ASPHD2: variants seen among roughly 807,000 people sequenced by gnomAD.
ASPHD2 encodes the protein aspartate beta-hydroxylase domain-containing protein 2.
In ASPHD2, 12 loss-of-function variants were observed where a neutral mutation model predicts 34.6. The ratio of observed to expected loss-of-function variants is 0.35; its 90% confidence interval spans 0.22 to 0.56. The LOEUF (loss-of-function observed/expected upper bound fraction) is 0.56. ASPHD2 is among the 20% of genes least tolerant of loss of function. ASPHD2 has a pLI of 0.87. For synonymous variants in ASPHD2, 224 were observed against 212.2 expected (o/e 1.06, Z -0.48); for missense variants, 375 against 505.0 (o/e 0.74, Z 2.47).
At chr22:26,440,292 C>CTTATTTT (rs1568984625) in intron 2 of ASPHD2, among the ~76,000 whole-genome samples, 3 of 152,108 alleles carry the variant, frequency 2.0e-5, no homozygotes, top group African/African-American at 7.2e-5. Flanking sequence ...AAGCATACGG[C>CTTATTTT]TTATTTTTTA....
chr22:26,435,434 T>G (rs2084784731), intron 2 of ASPHD2, among the ~76,000 whole-genome samples: 1 of 152,110 alleles, frequency 6.6e-6, no homozygotes, highest in South Asian at 2.1e-4. Context: ...CAGATTAGAG[T>G]GTGCAGAGAC....
At chr22:26,441,733 G>T (rs1375993684) in intron 2 of ASPHD2, among the ~76,000 whole-genome samples, 1 of 152,124 alleles carries the variant, frequency 6.6e-6, no homozygotes, top group Non-Finnish European at 1.5e-5. Flanking sequence ...GACCCGCCTG[G>T]CCAAGATGGT....
chr22:26,442,669 C>G, intron 3 of ASPHD2, 97 bp downstream of exon 3: 1 of 906,888 alleles, frequency 1.1e-6, no homozygotes, highest in Non-Finnish European at 1.7e-6. Context: ...GCAGAAAGTA[C>G]CAAGGAGGCC....
At chr22:26,438,514 T>TACATATATAC (rs1407889262) in intron 2 of ASPHD2, among the ~76,000 whole-genome samples, 43 of 127,318 alleles carry the variant, frequency 3.4e-4, no homozygotes, top group Non-Finnish European at 6.3e-4. Flanking sequence ...TATATATACA[T>TACATATATAC]ACATATATAT....
At position 26,433,440 on chromosome 22, in the gene ASPHD2, T is replaced by C. The variant is rs2084769053; in HGVS notation, c.-176T>C. 3 of 584,030 alleles carry C rather than the reference T, an allele frequency of 5.1e-6. No homozygotes were observed. The highest frequency in any genetic ancestry group is 9.0e-6 in the Non-Finnish European group (3 of 332,988). 36.2% of individuals were successfully genotyped at this position (584,030 alleles called of 1,614,324 possible). On this transcript the variant is annotated 5_prime_UTR_variant, in exon 2 of 4. Transcript: ENST00000215906. This position sits in a 1 kb window ranked among gnomAD's most constrained non-coding sequence, Gnocchi z 5.1. ...TTTCACAGGGACCGACGGCACTTGA[T>C]AATGTGACAAAAACCAGCCTCTTCC...
intron 3 of ASPHD2, 44 bp downstream of exon 3, chr22:26,442,616 C>T (rs750016830): frequency 6.9e-7 from 1 of 1,452,438 alleles, no homozygotes; most frequent in African/African-American, 1.4e-5. Context: ...AATGAATAGA[C>T]TTTTATTTTT....
Position 26,433,908 on chromosome 22 carries a change from C to A in ASPHD2, c.293C>A (p.Ala98Asp). ...SVNSLMQAAD[A>D]NGLQNGYVYC... ...AACTCCCTCATGCAGGCTGCCGATGCCAACGGGCTGCAGAATGGCTACGTG... is the reference window on the plus strand; with the variant it reads ...AACTCCCTCATGCAGGCTGCCGATGACAACGGGCTGCAGAATGGCTACGTG... Residue 98 changes from alanine (A) to aspartate (D), a missense_variant, in exon 2 of 4, where the codon GCC becomes GAC. Ala to Asp is a moderately radical substitution (Grantham distance 126). This residue lies in a region of ASPHD2 where 223 missense variants were observed against 257.8 expected (regional missense o/e 0.87). Coordinates refer to ENST00000215906, the MANE Select transcript of ASPHD2 (RefSeq NM_020437.5). This position sits in a 1 kb window ranked among gnomAD's most constrained non-coding sequence, Gnocchi z 5.1. 1.2e-6 allele frequency: 2 copies of A among 1,613,662 alleles called. No individual in the cohort carries two copies. The highest frequency in any genetic ancestry group is 1.7e-6 in the Non-Finnish European group (2 of 1,180,042).
At chr22:26,442,103 T>A (rs1320178011) in intron 2 of ASPHD2, among the ~76,000 whole-genome samples, 1,087 of 98,652 alleles carry the variant, frequency 0.011, 13 homozygotes, top group African/African-American at 0.042. Flanking sequence ...GAGACTCCAT[T>A]TCAAAAAAAA....
At chr22:26,434,643 T>A in intron 2 of ASPHD2, 142 bp downstream of exon 2, 1 of 928,516 alleles carries the variant, frequency 1.1e-6, no homozygotes, top group Non-Finnish European at 1.6e-6. Context: ...GAATTGCATG[T>A]AAACAATTTG....
rs1218771465 is a variant in ASPHD2 at position 26,444,146 on chromosome 22, TG to T, written c.*944del. 1 of 152,040 alleles carries T rather than the reference TG, an allele frequency of 6.6e-6. No homozygotes were observed. The highest frequency in any genetic ancestry group is 1.5e-5 in the Non-Finnish European group (1 of 68,020). 9.4% of individuals were successfully genotyped at this position (152,040 alleles called of 1,614,324 possible). ...AGGACCGCGCTCACCCAGCGACATT[TG>T]GGGAAAGCCTTTCTCTGGCAAAACT... On this transcript the variant is annotated 3_prime_UTR_variant, in exon 4 of 4. Coordinates refer to ENST00000215906, the MANE Select transcript of ASPHD2 (RefSeq NM_020437.5).
chr22:26,442,336 G>C, intron 2 of ASPHD2, 123 bp from the exon 3 acceptor site: 2 of 701,830 alleles, frequency 2.8e-6, no homozygotes, highest in Non-Finnish European at 4.9e-6. Flanking sequence ...GGGCTCCAGA[G>C]GTGTGAGGCA....
chr22:26,443,071 T>C (rs766153022), intron 3 of ASPHD2, 26 bp from the exon 4 acceptor site: 1 of 1,579,056 alleles, frequency 6.3e-7, no homozygotes. Flanking sequence ...TTTGAACCTG[T>C]CCTCTCACCC....
At chr22:26,441,758 A>C (rs1034038679) in intron 2 of ASPHD2, among the ~76,000 whole-genome samples, 3 of 152,234 alleles carry the variant, frequency 2.0e-5, no homozygotes, top group African/African-American at 7.2e-5. Context: ...CCCCATCTCT[A>C]CTAAAAATAC....
At chr22:26,439,821 C>G (rs1372098816) in intron 2 of ASPHD2, among the ~76,000 whole-genome samples, 1 of 152,222 alleles carries the variant, frequency 6.6e-6, no homozygotes, top group Non-Finnish European at 1.5e-5. Flanking sequence ...CGTCTGTCCC[C>G]AAGTCCTCCG....
At chr22:26,442,049 T>C (rs1346047917) in intron 2 of ASPHD2, among the ~76,000 whole-genome samples, 4 of 133,288 alleles carry the variant, frequency 3.0e-5, no homozygotes, top group Non-Finnish European at 6.2e-5. Context: ...GAGGTTGCGG[T>C]GAGCCGAGAT....
At chr22:26,431,567 A>G (rs1162799984) in intron 1 of ASPHD2, among the ~76,000 whole-genome samples, 5 of 152,226 alleles carry the variant, frequency 3.3e-5, no homozygotes, top group South Asian at 2.1e-4. Flanking sequence ...TGATTATTCA[A>G]CCGAAACTGG....
At chr22:26,442,430 C>T (rs1219756703) in intron 2 of ASPHD2, 29 bp from the exon 3 acceptor site, 2 of 1,512,980 alleles carry the variant, frequency 1.3e-6, no homozygotes, top group East Asian at 4.6e-5. Flanking sequence ...TGCCTGCCTT[C>T]ACTCTCCTTT....
chr22:26,438,664 T>C lies in ASPHD2; in HGVS notation c.887-3795T>C, dbSNP rs1462671940. Among the ~76,000 whole-genome samples the C allele has an allele frequency of 2.1e-4, 24 of 113,736 alleles. 1 individual carries two copies. Among genetic ancestry groups the C allele is most frequent in the African/African-American group, 5.5e-4 (17 of 30,836 alleles). The allele number at this position is 113,736 out of a possible 152,430, so 74.6% of individuals were successfully genotyped here. On this transcript the variant is annotated intron_variant, in intron 2 of 3. Transcript: ENST00000215906. ...ATATATACACATACATATATATATA[T>C]ACACATACATACATACACACACACA...
At position 26,444,864 on chromosome 22, in the gene ASPHD2, A is replaced by G. The variant is rs1184070809; in HGVS notation, c.*1658A>G. The G allele has an allele frequency of 6.6e-6, 1 of 152,208 alleles. No homozygotes were observed. 9.4% of individuals were successfully genotyped at this position (152,208 alleles called of 1,614,324 possible). On this transcript the variant is annotated 3_prime_UTR_variant, in exon 4 of 4. Transcript: ENST00000215906. ...AAGTCTTTTTACTCATTATCTTGTT[A>G]AAGAATCACTGAGGTGCATGATTTC...
Sources: gnomAD v4.1 joint callset for allele counts (sites outside exome capture counted in the v4.1 genomes callset) on GRCh38, gnomAD v4.1.1 for gene constraint, gnomAD v4.1.1 regional missense constraint, Gnocchi (gnomAD v3.1) non-coding constraint, MANE v1.5 for transcripts, NCBI Gene and HGNC (gene_info 2026-07-23, HGNC 2026-07-21) for gene names.